Variants in NAV3 observed in about 807,000 individuals in gnomAD.
The protein encoded by NAV3 is neuron navigator 3, also known as pore membrane and/or filament interacting like protein 1.
Under a neutral mutation model 244.7 loss-of-function variants are expected in NAV3, and 87 were observed. The observed-to-expected ratio is 0.36, with a 90% CI of 0.30 to 0.42. The LOEUF (loss-of-function observed/expected upper bound fraction) is 0.42, where lower values mean the gene tolerates loss of function less well. Among genes scored for constraint, NAV3 ranks in the 20% least tolerant of loss-of-function variants. The probability of loss-of-function intolerance (pLI) is 1.00; values close to 1 mark genes in which losing one functional copy is unlikely to be tolerated. For synonymous variants in NAV3, 1,126 were observed against 1,042.2 expected (o/e 1.08, Z -1.55); for missense variants, 2,663 against 2,893.3 (o/e 0.92, Z 1.83).
At chr12:78,143,930 T>C (rs1042739438) in intron 20 of NAV3, among the ~76,000 whole-genome samples, 1 of 152,150 alleles carries the variant, frequency 6.6e-6, no homozygotes, top group African/African-American at 2.4e-5. Flanking sequence ...TAGTTTTCAT[T>C]GTGCTGTTGC....
chr12:77,921,685 T>C (rs974257969), intron 1 of NAV3, among the ~76,000 whole-genome samples: 2 of 152,146 alleles, frequency 1.3e-5, no homozygotes, highest in African/African-American at 4.8e-5. Flanking sequence ...GTTAAAATGA[T>C]ATATTTTTAT....
intron 2 of NAV3, among the ~76,000 whole-genome samples, chr12:77,819,675 A>G (rs1252596060): frequency 6.6e-6 from 1 of 152,140 alleles, no homozygotes; most frequent in African/African-American, 2.4e-5. Context: ...GACAATATGG[A>G]CACAGGAAAA....
intron 22 of NAV3, among the ~76,000 whole-genome samples, chr12:78,155,615 A>C (rs967187021): frequency 9.9e-5 from 15 of 152,082 alleles, no homozygotes; most frequent in Admixed American, 9.8e-4. Context: ...GGTTGAACTA[A>C]TTTACTCTCC....
chr12:77,722,077 C>G (rs1457995504), intron 2 of NAV3, among the ~76,000 whole-genome samples: 3 of 152,052 alleles, frequency 2.0e-5, no homozygotes, highest in African/African-American at 7.2e-5. Flanking sequence ...CAATTTTCTG[C>G]TGAACAAATG....
At chr12:78,127,683 T>C (rs992657874) in intron 17 of NAV3, among the ~76,000 whole-genome samples, 3 of 152,182 alleles carry the variant, frequency 2.0e-5, no homozygotes, top group African/African-American at 7.2e-5. Flanking sequence ...GGTTGAAGGA[T>C]GCTACAATCT....
chr12:78,047,192 T>C (rs1380937400), intron 9 of NAV3, among the ~76,000 whole-genome samples: 2 of 152,070 alleles, frequency 1.3e-5, no homozygotes, highest in Non-Finnish European at 2.9e-5. Flanking sequence ...AATCCTCTGC[T>C]TTAAGAATGT....
intron 1 of NAV3, among the ~76,000 whole-genome samples, chr12:77,837,349 T>G (rs1427606306): frequency 6.6e-6 from 1 of 152,046 alleles, no homozygotes; most frequent in South Asian, 2.1e-4. Context: ...AAAGATCTTA[T>G]GTAAGAATGA....
At chr12:77,651,169 G>C (rs1181590291) in intron 2 of NAV3, among the ~76,000 whole-genome samples, 1 of 151,952 alleles carries the variant, frequency 6.6e-6, no homozygotes, top group Non-Finnish European at 1.5e-5. Context: ...CTACTTTTCA[G>C]TCTAGCTGCT....
Position 77,939,066 on chromosome 12 carries a change from CA to C in NAV3, c.244-1252del, listed in dbSNP as rs988124669. The stretch of plus-strand genomic sequence containing the variant: ...GGGTTGAAAGTTGTGGGGAGACTTT[CA>C]TTTTTTAGTTTCTATACTTCTGGTT... On this transcript the variant is annotated intron_variant, in intron 1 of 39. Transcript: ENST00000397909. Among the ~76,000 whole-genome samples, 5 of 151,796 alleles carry C rather than the reference CA, an allele frequency of 3.3e-5. 1 individual carries two copies. In the Middle Eastern group the frequency reaches 0.01, roughly 310 times the overall value.
At chr12:77,669,009 G>A (rs537141891) in intron 2 of NAV3, among the ~76,000 whole-genome samples, 156 of 152,196 alleles carry the variant, frequency 1.0e-3, no homozygotes, top group African/African-American at 3.6e-3. Flanking sequence ...CTCCTTAAAC[G>A]AAACAATTAT....
intron 22 of NAV3, among the ~76,000 whole-genome samples, chr12:78,152,787 A>G (rs1473452198): frequency 6.6e-6 from 1 of 152,014 alleles, no homozygotes; most frequent in Non-Finnish European, 1.5e-5. Flanking sequence ...GATTTTTTAA[A>G]TCTACAGTTC....
chr12:77,771,537 A>G (rs1186365594), intron 2 of NAV3, among the ~76,000 whole-genome samples: 5 of 152,210 alleles, frequency 3.3e-5, no homozygotes, highest in African/African-American at 7.2e-5. Flanking sequence ...ATGATAGACT[A>G]GATTAAGAAA....
chr12:78,141,971 A>G (rs984338582), intron 20 of NAV3, among the ~76,000 whole-genome samples: 4 of 152,114 alleles, frequency 2.6e-5, no homozygotes, highest in African/African-American at 9.7e-5. Context: ...CCTAAGAAAA[A>G]CTAAATTAAA....
At chr12:77,973,824 T>G (rs1192287602) in intron 5 of NAV3, among the ~76,000 whole-genome samples, 1 of 152,100 alleles carries the variant, frequency 6.6e-6, no homozygotes, top group African/African-American at 2.4e-5. Flanking sequence ...GTTGCCTAAC[T>G]CAGTTCTGTG....
At chr12:77,895,372 C>G (rs1240577075) in intron 1 of NAV3, among the ~76,000 whole-genome samples, 2 of 150,158 alleles carry the variant, frequency 1.3e-5, no homozygotes, top group East Asian at 1.9e-4. Context: ...TGGAGAATAG[C>G]AGATTGTGGG....
chr12:77,651,403 C>T (rs1337699931), intron 2 of NAV3, among the ~76,000 whole-genome samples: 1 of 152,116 alleles, frequency 6.6e-6, no homozygotes, highest in Non-Finnish European at 1.5e-5. Context: ...TGTTACTCCC[C>T]AAATATTTTC....
intron 17 of NAV3, 117 bp downstream of exon 17, chr12:78,127,325 A>G: frequency 9.7e-7 from 1 of 1,028,678 alleles, no homozygotes; most frequent in Non-Finnish European, 1.5e-6. Context: ...GGACGAAATC[A>G]CTTTTAATTT....
chr12:77,621,641 A>G (rs1050964316), intron 2 of NAV3, among the ~76,000 whole-genome samples: 1 of 151,678 alleles, frequency 6.6e-6, no homozygotes, highest in Non-Finnish European at 1.5e-5. Flanking sequence ...CACCACGCCC[A>G]GCTAATTTTT....
intron 12 of NAV3, among the ~76,000 whole-genome samples, chr12:78,065,376 A>G (rs1252582541): frequency 6.6e-6 from 1 of 152,010 alleles, no homozygotes; most frequent in Non-Finnish European, 1.5e-5. Flanking sequence ...TGTTTAAACC[A>G]CTCTGTGACT....
Sources: allele counts gnomAD v4.1 joint callset (sites outside exome capture counted in the v4.1 genomes callset), GRCh38; gene constraint gnomAD v4.1.1; transcripts MANE v1.5; gene names NCBI Gene and HGNC (gene_info 2026-07-23, HGNC 2026-07-21).